The following PEX6 variants were observed in gnomAD, a reference collection of about 807,000 sequenced individuals.
PEX6 encodes peroxisomal biogenesis factor 6.
A neutral mutation model predicts 85.6 loss-of-function variants in PEX6; 55 were observed. The ratio of observed to expected loss-of-function variants is 0.64; its 90% CI spans 0.52 to 0.80. The LOEUF (loss-of-function observed/expected upper bound fraction) is 0.80. Ranked by LOEUF, PEX6 falls within the 30% of genes least tolerant of loss-of-function variation. PEX6 has a pLI of 0.00. For missense variants in PEX6, 1,099 were observed against 1,260.3 expected, an observed-to-expected ratio of 0.87 and a Z score of 1.94; for synonymous variants, 519 against 549.1, an observed-to-expected ratio of 0.95 and a Z score of 0.77.
rs763459576 is a variant in PEX6, at chr6:42,969,884, C to T, written c.1233+1G>A. ...GTCTACACCCATCCTTGGGGCCTCA[C>T]CATGTACAAGGAGGTATGGGTGGTG... On this transcript the variant is annotated splice_donor_variant, in intron 4 of 16. Transcript: ENST00000304611. LOFTEE classifies it high-confidence loss of function. 1.2e-6 allele frequency: 2 copies of T among 1,613,994 alleles called. No homozygotes were observed. The highest frequency in any genetic ancestry group is 2.7e-5 in the African/African-American group (2 of 74,926).
chr6:42,971,715 C>T lies in PEX6; in HGVS notation c.1131-1728G>A, dbSNP rs1034802299. Among the ~76,000 whole-genome samples, 3 of 152,202 alleles carry T rather than the reference C, an allele frequency of 2.0e-5. No homozygotes were observed. The highest frequency in any genetic ancestry group is 1.3e-4 in the Admixed American group (2 of 15,278). On this transcript the variant is annotated intron_variant, in intron 3 of 16. Transcript: ENST00000304611. This position sits in a 1 kb window ranked among gnomAD's most constrained non-coding sequence, Gnocchi z 4.4. Reference sequence around the variant, plus strand: ...ACTTACTCCAACCCTGCTTTCCTTGCGGGGAAAAGAACTATGTGCTCGGCA... The same window carrying T: ...ACTTACTCCAACCCTGCTTTCCTTGTGGGGAAAAGAACTATGTGCTCGGCA...
Position 42,978,367 on chromosome 6 carries a change from G to T in PEX6, c.784C>A (p.Leu262Met). The change falls in exon 1 of 17, where the codon CTG becomes ATG. Residue 262 changes from leucine (L) to methionine (M), a missense_variant. This residue lies in a region of PEX6 where 579 missense variants were observed against 611.6 expected (regional missense o/e 0.95). Coordinates refer to ENST00000304611, the MANE Select transcript of PEX6 (RefSeq NM_000287.4). ...AGTCCGTCAGCGAGGGGCTCTCCCA[G>T]CGGTCCAGAGCCGGGTCCCAGTCTA... is the stretch of plus-strand genomic sequence containing the variant. ...SDRLGPGSGP[L>M]GEPLADGLAL... is the part of the protein sequence containing the mutation. 1 of 1,614,208 alleles carries T rather than the reference G, an allele frequency of 6.2e-7. No individual in the cohort carries two copies. The highest frequency in any genetic ancestry group is 8.5e-7 in the Non-Finnish European group (1 of 1,180,032).
chr6:42,970,109 G>A, intron 3 of PEX6, 122 bp from the exon 4 acceptor site: 1 of 778,840 alleles, frequency 1.3e-6, no homozygotes, highest in Middle Eastern at 2.2e-4. Flanking sequence ...CCGAGTCATG[G>A]TGGGGAAAAG....
rs548459114 is a variant in PEX6 at position 42,975,025 on chromosome 6, C to A, written c.896G>T (p.Gly299Val). 1.2e-6 allele frequency: 2 copies of A among 1,612,784 alleles called. No individual in the cohort carries two copies. Among genetic ancestry groups the A allele is most frequent in the Non-Finnish European group, 1.7e-6 (2 of 1,179,706 alleles). Residue 299 changes from glycine to valine, a missense_variant, in exon 2 of 17, where the codon GGC (glycine) becomes GTC (valine). Gly to Val is a moderately radical substitution (Grantham distance 109). This residue lies in a region of PEX6 where 579 missense variants were observed against 611.6 expected (regional missense o/e 0.95). Transcript: ENST00000304611. ...GELRIQRYLE[G>V]SIAPEDKGSC... is the part of the protein sequence containing the mutation. ...TCCTTTGTCTTCAGGGGCGATGGAG[C>A]CTTCCAAGTACCTCTATTAGAGAAA...
intron 1 of PEX6, among the ~76,000 whole-genome samples, 165 bp downstream of exon 1, chr6:42,978,104 C>A (rs1770380945): frequency 6.6e-6 from 1 of 152,034 alleles, no homozygotes; most frequent in Non-Finnish European, 1.5e-5. Flanking sequence ...CTCGGCCTCC[C>A]AAAGTGCTGG....
intron 4 of PEX6, 36 bp from the exon 5 acceptor site, chr6:42,969,837 A>T: frequency 6.2e-7 from 1 of 1,613,992 alleles, no homozygotes. Flanking sequence ...GTTTCTAAAA[A>T]TCGTTTCTAC....
chr6:42,974,108 G>T (rs747561519), intron 2 of PEX6, 22 bp from the exon 3 acceptor site: 4 of 1,590,658 alleles, frequency 2.5e-6, no homozygotes, highest in East Asian at 2.2e-5. Flanking sequence ...CAGTGGCCCT[G>T]GTCAGGTCAC....
chr6:42,964,596 T>G lies in PEX6; in HGVS notation c.2807-125A>C. 7.3e-7 allele frequency: 1 copy of G among 1,360,772 alleles called. No individual in the cohort carries two copies. Among genetic ancestry groups the G allele is most frequent in the African/African-American group, 1.4e-5 (1 of 69,114 alleles). 84.3% of individuals were successfully genotyped at this position (1,360,772 alleles called of 1,614,324 possible). A position where few individuals can be genotyped will look rare whatever the true frequency, so the allele number is the denominator to read the frequency against. On this transcript the variant is annotated intron_variant, in intron 16 of 16. Coordinates refer to ENST00000304611, the MANE Select transcript of PEX6 (RefSeq NM_000287.4). The surrounding 1 kb of genome is among the most constrained non-coding windows in gnomAD (Gnocchi z 4.6). ...TTCCCTCTGGAATCCAGGACTAGGT[T>G]TGTCTCCCACTAGTTTTTTTTTTCC...
chr6:42,974,550 C>T lies in PEX6; in HGVS notation c.1046+325G>A, dbSNP rs562862105. Reference sequence around the variant, plus strand: ...TCGGCTCACTGCAAGCTCCACCTCCCGGGTTCACGCCATTCTCCTGCCTCA... The same window carrying T: ...TCGGCTCACTGCAAGCTCCACCTCCTGGGTTCACGCCATTCTCCTGCCTCA... On this transcript the variant is annotated intron_variant, in intron 2 of 16. Coordinates refer to ENST00000304611, the MANE Select transcript of PEX6 (RefSeq NM_000287.4). 8.0e-5 allele frequency among the ~76,000 whole-genome samples: 12 copies of T among 150,452 alleles called. No individual in the cohort carries two copies. In the South Asian group the frequency reaches 1.1e-3, roughly 13 times the overall value.
At position 42,967,569 on chromosome 6, in the gene PEX6, G is replaced by T; in HGVS notation, c.1689-6C>A. The T allele has an allele frequency of 6.3e-7, 1 of 1,594,298 alleles. No homozygotes were observed. The highest frequency in any genetic ancestry group is 8.5e-7 in the Non-Finnish European group (1 of 1,171,548). On this transcript the variant is annotated splice_polypyrimidine_tract_variant and splice_region_variant and intron_variant, in intron 7 of 16. Transcript: ENST00000304611. ...CAACCATGAGGGGAGGGCAGCTGCA[G>T]ACAGAGGAGTGGGCACTGAGGGTGA...
Position 42,978,380 on chromosome 6 carries a change from G to A in PEX6, c.771C>T (p.Pro257=), listed in dbSNP as rs1770398199. Residue 257 remains proline, a synonymous_variant, in exon 1 of 17, where the codon CCC becomes CCT. Transcript: ENST00000304611. ...GGGGCTCTCCCAGCGGTCCAGAGCC[G>A]GGTCCCAGTCTATCAGAGAGGTCCC... The part of the protein sequence containing the change: ...PRWDLSDRLG[P]GSGPLGEPLA... The A allele has an allele frequency of 1.9e-6, 3 of 1,614,160 alleles. No homozygotes were observed. Among genetic ancestry groups the A allele is most frequent in the Non-Finnish European group, 2.5e-6 (3 of 1,180,018 alleles).
At chr6:42,976,329 C>T (rs185563770) in intron 1 of PEX6, among the ~76,000 whole-genome samples, 3 of 152,196 alleles carry the variant, frequency 2.0e-5, no homozygotes, top group Admixed American at 2.0e-4. Flanking sequence ...CTTAATTAAA[C>T]ACTATACTGT....
rs2114242243 is a variant in PEX6 at position 42,967,357 on chromosome 6, T to C, written c.1884+11A>G. 6.2e-7 allele frequency: 1 copy of C among 1,610,642 alleles called. No individual in the cohort carries two copies. Among genetic ancestry groups the C allele is most frequent in the Non-Finnish European group, 8.5e-7 (1 of 1,178,742 alleles). On this transcript the variant is annotated intron_variant, in intron 8 of 16. Transcript: ENST00000304611. ...TCCTAGGGAGGGCCAGTACTCTCCC[T>C]TGATACTCACTGCACACCGCCGTGC...
rs2114236890 is a variant in PEX6, at chr6:42,965,062, T to C, written c.2666+13A>G. 2 of 1,613,972 alleles carry C rather than the reference T, an allele frequency of 1.2e-6. No individual in the cohort carries two copies. Among genetic ancestry groups the C allele is most frequent in the Non-Finnish European group, 1.7e-6 (2 of 1,179,802 alleles). On this transcript the variant is annotated intron_variant, in intron 15 of 16. Transcript: ENST00000304611. This position sits in a 1 kb window ranked among gnomAD's most constrained non-coding sequence, Gnocchi z 5.0. ...GCCCAAGCCCTTCGCAGTCTTCCTC[T>C]AACAGAGCATACTTGCGTGTGATGG...
At chr6:42,968,107 C>T (rs1263660245) in intron 7 of PEX6, among the ~76,000 whole-genome samples, 183 bp downstream of exon 7, 2 of 152,060 alleles carry the variant, frequency 1.3e-5, no homozygotes, top group African/African-American at 2.4e-5. Context: ...CCACCACACC[C>T]AGCTAATTTT....
In PEX6 at chr6:42,965,145, T is replaced by C; in HGVS notation, c.2596A>G (p.Lys866Glu). Residue 866 changes from lysine to glutamate, a missense_variant, in exon 15 of 17, where the codon AAG (lysine) becomes GAG (glutamate). This residue lies in a region of PEX6 where 514 missense variants were observed against 627.0 expected (regional missense o/e 0.82). Coordinates refer to ENST00000304611, the MANE Select transcript of PEX6 (RefSeq NM_000287.4). The surrounding 1 kb of genome is among the most constrained non-coding windows in gnomAD (Gnocchi z 5.0). The stretch of plus-strand genomic sequence containing the variant: ...TCATTTGCCCCCACAAACACCAGCT[T>C]GTCAAATCTTTAGGGAGATAGGCAG... ...PALLRPGRFDKLVFVGANEDR... is the reference protein window; with the variant it reads ...PALLRPGRFDELVFVGANEDR... The C allele has an allele frequency of 6.2e-7, 1 of 1,614,118 alleles. No individual in the cohort carries two copies. The highest frequency in any genetic ancestry group is 8.5e-7 in the Non-Finnish European group (1 of 1,180,004).
Position 42,965,247 on chromosome 6 carries a change from C to A in PEX6, c.2588+5G>T. The A allele has an allele frequency of 1.9e-6, 3 of 1,611,996 alleles. No individual in the cohort carries two copies. Among genetic ancestry groups the A allele is most frequent in the Non-Finnish European group, 2.5e-6 (3 of 1,178,044 alleles). ...GGGTGGAGATGAGCAGTACAAGGGG[C>A]CCACCTGCCAGGCCGCAGAAGGGCA... On this transcript the variant is annotated splice_donor_5th_base_variant and intron_variant, in intron 14 of 16. Transcript: ENST00000304611. This position sits in a 1 kb window ranked among gnomAD's most constrained non-coding sequence, Gnocchi z 5.0.
Position 42,965,171 on chromosome 6 carries a change from G to A in PEX6, c.2589-19C>T. 1 of 1,613,760 alleles carries A rather than the reference G, an allele frequency of 6.2e-7. No homozygotes were observed. The highest frequency in any genetic ancestry group is 1.1e-5 in the South Asian group (1 of 91,074). On this transcript the variant is annotated intron_variant, in intron 14 of 16. Coordinates refer to ENST00000304611, the MANE Select transcript of PEX6 (RefSeq NM_000287.4). The surrounding 1 kb of genome is among the most constrained non-coding windows in gnomAD (Gnocchi z 5.0). ...GTCAAATCTTTAGGGAGATAGGCAG[G>A]TATAAGTTTCAGGGAGCCCAGCCAT...
rs2114235455 is a variant in PEX6 at position 42,964,475 on chromosome 6, G to C, written c.2807-4C>G. The stretch of plus-strand genomic sequence containing the variant: ...GCTGAGCTACCTGGCTCCAGCCCTG[G>C]AGATGACAAGGTGGGGAGGCTGTGG... On this transcript the variant is annotated splice_polypyrimidine_tract_variant and splice_region_variant and intron_variant, in intron 16 of 16. Transcript: ENST00000304611. The surrounding 1 kb of genome is among the most constrained non-coding windows in gnomAD (Gnocchi z 4.6). 1 of 1,613,214 alleles carries C rather than the reference G, an allele frequency of 6.2e-7. No individual in the cohort carries two copies. The highest frequency in any genetic ancestry group is 1.8e-4 in the Middle Eastern group (1 of 5,558).
Sources: gnomAD v4.1 joint callset for allele counts (sites outside exome capture counted in the v4.1 genomes callset) on GRCh38, gnomAD v4.1.1 for gene constraint, gnomAD v4.1.1 regional missense constraint, Gnocchi (gnomAD v3.1) non-coding constraint, MANE v1.5 for transcripts, NCBI Gene and HGNC (gene_info 2026-07-23, HGNC 2026-07-21) for gene names.